ACER1: variants seen among roughly 807,000 people sequenced by gnomAD.
ACER1 encodes the protein alkaline ceramidase 1, also known as CTB-180A7.3.
In ACER1, 28 loss-of-function variants were observed where a neutral mutation model predicts 24.9. The ratio of observed to expected loss-of-function variants is 1.13; its 90% CI spans 0.83 to 1.54. The LOEUF (loss-of-function observed/expected upper bound fraction) is 1.54, where lower values mean the gene tolerates loss of function less well. ACER1 is among the 40% of genes most tolerant of loss of function. ACER1 has a pLI of 0.00. For missense variants in ACER1, 352 were observed against 349.3 expected, an observed-to-expected ratio of 1.01 and a Z score of -0.06; for synonymous variants, 132 against 131.4, an observed-to-expected ratio of 1.00 and a Z score of -0.03.
At chr19:6,334,062 T>C (rs1184262172), upstream of ACER1, among the ~76,000 whole-genome samples, 1 of 149,302 alleles carries the variant, frequency 6.7e-6, no homozygotes, top group Non-Finnish European at 1.5e-5. Context: ...GTTTTTTTTT[T>C]TGGAGACAGA....
chr19:6,344,310 G>A, the ACER1 span, among the ~76,000 whole-genome samples: 1 of 151,344 alleles, frequency 6.6e-6, no homozygotes, highest in South Asian at 2.1e-4. Context: ...CAGGCATGGT[G>A]GGGCACCTTT....
chr19:6,333,857 A>C (rs2091702026), upstream of ACER1, among the ~76,000 whole-genome samples: 1 of 151,888 alleles, frequency 6.6e-6, no homozygotes, highest in Admixed American at 6.6e-5. Flanking sequence ...CAGTGGAGGG[A>C]ACTGTTTTTA....
At chr19:6,326,516 C>T (rs1008525397) in intron 1 of ACER1, among the ~76,000 whole-genome samples, 1 of 151,770 alleles carries the variant, frequency 6.6e-6, no homozygotes. Context: ...CCTCCTGCCT[C>T]GGCCTCCTAA....
intron 1 of ACER1, among the ~76,000 whole-genome samples, chr19:6,323,142 A>T (rs10426063): frequency 8.1e-4 from 123 of 151,748 alleles, no homozygotes; most frequent in Middle Eastern, 3.4e-3. Context: ...CAAAACAGGC[A>T]GGGCGCAGTG....
At chr19:6,339,584 T>C in the ACER1 span, among the ~76,000 whole-genome samples, 2,592 of 152,302 alleles carry the variant, frequency 0.017, 71 homozygotes, top group African/African-American at 0.06. Context: ...GCCGCTGAAC[T>C]ATGCATTTGA....
At chr19:6,321,380 A>T (rs1302340406) in intron 1 of ACER1, among the ~76,000 whole-genome samples, 1 of 152,120 alleles carries the variant, frequency 6.6e-6, no homozygotes, top group Non-Finnish European at 1.5e-5. Context: ...GCCTCAACTG[A>T]TCCACCTGTC....
At chr19:6,347,501 CGAG>C in the ACER1 span, among the ~76,000 whole-genome samples, 5,132 of 148,674 alleles carry the variant, frequency 0.035, 300 homozygotes, top group African/African-American at 0.13. Context: ...ATTATAGGTA[CGAG>C]CCACTGTGTG....
chr19:6,306,456 G>A lies in ACER1; in HGVS notation c.*258C>T. ...ACTGGGAGGCTGTGGACACAGAGGA[G>A]GAAATGAAAGAGGATGGGGGGGGTC... On this transcript the variant is annotated 3_prime_UTR_variant, in exon 6 of 6. Coordinates refer to ENST00000301452, the MANE Select transcript of ACER1 (RefSeq NM_133492.3). 1 of 436,794 alleles carries A rather than the reference G, an allele frequency of 2.3e-6. No individual in the cohort carries two copies. The highest frequency in any genetic ancestry group is 1.9e-5 in the African/African-American group (1 of 51,440). The allele number at this position is 436,794 out of a possible 1,614,324, so 27.1% of individuals were successfully genotyped here. A position where few individuals can be genotyped will look rare whatever the true frequency, so the allele number is the denominator to read the frequency against.
At chr19:6,324,795 G>A (rs1568312165) in intron 1 of ACER1, among the ~76,000 whole-genome samples, 1 of 145,770 alleles carries the variant, frequency 6.9e-6, no homozygotes, top group African/African-American at 2.5e-5. Flanking sequence ...AGAGAAGAGA[G>A]AAGAAAGAAA....
At chr19:6,326,611 T>C (rs1169804257) in intron 1 of ACER1, among the ~76,000 whole-genome samples, 1 of 151,814 alleles carries the variant, frequency 6.6e-6, no homozygotes, top group Non-Finnish European at 1.5e-5. Context: ...AGCAGAGACC[T>C]TATGCCCCAT....
the ACER1 span, among the ~76,000 whole-genome samples, chr19:6,342,331 G>A: frequency 6.8e-6 from 1 of 146,062 alleles, no homozygotes; most frequent in South Asian, 2.2e-4. Flanking sequence ...GCTTGATCTT[G>A]GCTCACTGCA....
the ACER1 span, among the ~76,000 whole-genome samples, chr19:6,347,390 C>T: frequency 6.6e-6 from 1 of 151,022 alleles, no homozygotes; most frequent in African/African-American, 2.4e-5. Flanking sequence ...GCTAATGTTT[C>T]TGAATTTTTT....
the ACER1 span, chr19:6,353,441 C>G: frequency 6.6e-6 from 1 of 152,098 alleles, no homozygotes; most frequent in Non-Finnish European, 1.5e-5. Context: ...TTGAAACCAG[C>G]CTGGACAGCA....
intron 1 of ACER1, among the ~76,000 whole-genome samples, chr19:6,330,349 G>A (rs1034948121): frequency 6.7e-6 from 1 of 149,396 alleles, no homozygotes; most frequent in East Asian, 1.9e-4. Context: ...TGTATTTTTA[G>A]TAGAGATGGG....
intron 1 of ACER1, among the ~76,000 whole-genome samples, chr19:6,322,419 C>T (rs912462253): frequency 2.0e-5 from 3 of 152,060 alleles, no homozygotes; most frequent in Admixed American, 6.6e-5. Context: ...TTCCAGGACT[C>T]GAGCACATCT....
chr19:6,326,057 C>T (rs912961801), intron 1 of ACER1, among the ~76,000 whole-genome samples: 4 of 151,144 alleles, frequency 2.6e-5, no homozygotes, highest in Non-Finnish European at 5.9e-5. Context: ...TGGGCTCAAG[C>T]GATTCTTCTG....
chr19:6,316,887 G>C (rs1320028973), intron 1 of ACER1, among the ~76,000 whole-genome samples: 2 of 148,628 alleles, frequency 1.3e-5, no homozygotes, highest in Non-Finnish European at 3.0e-5. Flanking sequence ...AACTGCACTT[G>C]TACTTCTTCA....
the ACER1 span, chr19:6,353,326 T>A: frequency 6.6e-6 from 1 of 151,722 alleles, no homozygotes; most frequent in African/African-American, 2.4e-5. Flanking sequence ...GGCAAGACTC[T>A]ACTTCAAAAA....
intron 1 of ACER1, among the ~76,000 whole-genome samples, chr19:6,325,094 G>A (rs1462927631): frequency 6.6e-6 from 1 of 151,956 alleles, no homozygotes; most frequent in African/African-American, 2.4e-5. Flanking sequence ...ACCCTTCCTG[G>A]CTCTCTCTGC....
Sources: allele counts gnomAD v4.1 joint callset (sites outside exome capture counted in the v4.1 genomes callset), GRCh38; gene constraint gnomAD v4.1.1; transcripts MANE v1.5; gene names NCBI Gene and HGNC (gene_info 2026-07-23, HGNC 2026-07-21).